TICRR: variants seen among roughly 807,000 people sequenced by gnomAD.
TICRR encodes TOPBP1 interacting checkpoint and replication regulator.
In TICRR, 132 loss-of-function variants were observed where a neutral mutation model predicts 178.1. The ratio of observed to expected loss-of-function variants is 0.74; its 90% CI spans 0.64 to 0.86. The LOEUF (loss-of-function observed/expected upper bound fraction) is 0.86, where lower values mean the gene tolerates loss of function less well. Ranked by LOEUF, TICRR falls within the 40% of genes least tolerant of loss-of-function variation. The pLI, the probability that TICRR is intolerant of heterozygous loss-of-function variation, is 0.00. For synonymous variants in TICRR, 991 were observed against 900.7 expected, an observed-to-expected ratio of 1.10 and a Z score of -1.79; for missense variants, 2,587 against 2,334.3, an observed-to-expected ratio of 1.11 and a Z score of -2.23.
chr15:89,626,412 C>T (rs571908710), intron 21 of TICRR, among the ~76,000 whole-genome samples: 3 of 152,308 alleles, frequency 2.0e-5, no homozygotes, highest in South Asian at 2.1e-4. Context: ...TTCCCCACAG[C>T]GGGTTTATCC....
rs188492124 is a variant in TICRR at position 89,586,350 on chromosome 15, A to T, written c.1411+408A>T. On this transcript the variant is annotated intron_variant, in intron 4 of 21. Transcript: ENST00000268138. ...ATGTAAGCTAGGTAGATTTAAATAT[A>T]CGTATACATATATATATATATAAAA... Among the ~76,000 whole-genome samples, 48 of 150,478 alleles carry T rather than the reference A, an allele frequency of 3.2e-4. 1 individual carries two copies. Among genetic ancestry groups the T allele is most frequent in the Non-Finnish European group, 5.3e-4 (36 of 67,652 alleles).
Position 89,625,138 on chromosome 15 carries a change from G to A in TICRR, c.4828G>A (p.Ala1610Thr), listed in dbSNP as rs1441879016. 1 of 1,613,758 alleles carries A rather than the reference G, an allele frequency of 6.2e-7. No homozygotes were observed. The highest frequency in any genetic ancestry group is 8.5e-7 in the Non-Finnish European group (1 of 1,180,006). Reference protein sequence around the residue: ...SFLPALSMPRASRSLSKPEPT... With the variant: ...SFLPALSMPRTSRSLSKPEPT... ...CCTCCCTGCTCTCAGCATGCCCAGG[G>A]CCAGCAGGTCCTTAAGCAAACCTGA... The change falls in exon 20 of 22, where the codon GCC (alanine) becomes ACC (threonine). Residue 1610 changes from alanine (A) to threonine (T), a missense_variant. Coordinates refer to ENST00000268138, the MANE Select transcript of TICRR (RefSeq NM_152259.4).
rs547260243 is a variant in TICRR, at chr15:89,611,052, TA to T, written c.2869+2113del. 8.1e-3 allele frequency among the ~76,000 whole-genome samples: 1,215 copies of T among 149,242 alleles called. 17 individuals carry two copies. The highest frequency in any genetic ancestry group is 0.028 in the African/African-American group (1,141 of 40,854). ...ATACAGACTTAAATTATATAGGGTT[TA>T]AAAAAAAAACAAAATTACCATAATG... On this transcript the variant is annotated intron_variant, in intron 15 of 21. Transcript: ENST00000268138.
At position 89,625,254 on chromosome 15, in the gene TICRR, C is replaced by A. The variant is rs1393659992; in HGVS notation, c.4944C>A (p.Thr1648=). The A allele has an allele frequency of 6.2e-6, 10 of 1,612,956 alleles. No individual in the cohort carries two copies. The highest frequency in any genetic ancestry group is 8.5e-6 in the Non-Finnish European group (10 of 1,179,174). ...RGQTYICQAC[T]PTHGPSSTPS... Reference sequence around the variant, plus strand: ...AAACCTACATCTGCCAGGCCTGTACCCCCACCCACGGCCCTTCTAGTACCC... The same window carrying A: ...AAACCTACATCTGCCAGGCCTGTACACCCACCCACGGCCCTTCTAGTACCC... Residue 1648 remains threonine (T), a synonymous_variant, in exon 20 of 22, where the codon ACC becomes ACA. Transcript: ENST00000268138.
At chr15:89,597,019 C>A (rs1369852701) in intron 7 of TICRR, among the ~76,000 whole-genome samples, 1 of 152,042 alleles carries the variant, frequency 6.6e-6, no homozygotes, top group Non-Finnish European at 1.5e-5. Flanking sequence ...AAGATTGATT[C>A]TTTAATATTT....
At position 89,618,132 on chromosome 15, in the gene TICRR, TG is replaced by T; in HGVS notation, c.2961-19del. On this transcript the variant is annotated intron_variant, in intron 16 of 21. Transcript: ENST00000268138. ...ATTACAAGTGGTATGGAGTAATCCT[TG>T]TGCATGTGGTTCCTCGAGGTCCTCT... The T allele has an allele frequency of 6.2e-7, 1 of 1,613,492 alleles. No individual in the cohort carries two copies. The highest frequency in any genetic ancestry group is 8.5e-7 in the Non-Finnish European group (1 of 1,179,420).
chr15:89,619,251 A>T (rs1370931741), intron 17 of TICRR, among the ~76,000 whole-genome samples: 11 of 127,022 alleles, frequency 8.7e-5, no homozygotes, highest in Non-Finnish European at 1.6e-4. Context: ...GGTGAGACAG[A>T]CTCTTGCTCT....
chr15:89,617,209 CCTT>C (rs1567050219), intron 16 of TICRR, among the ~76,000 whole-genome samples: 1 of 152,132 alleles, frequency 6.6e-6, no homozygotes, highest in African/African-American at 2.4e-5. Flanking sequence ...AAGCACACCT[CCTT>C]CTATTTTGTC....
chr15:89,599,298 T>G, intron 7 of TICRR, 26 bp from the exon 8 acceptor site: 1 of 1,572,538 alleles, frequency 6.4e-7, no homozygotes, highest in South Asian at 1.2e-5. Flanking sequence ...ATATGATTAA[T>G]CCATTTTATT....
intron 19 of TICRR, 112 bp downstream of exon 19, chr15:89,621,662 C>T: frequency 2.3e-6 from 2 of 865,356 alleles, no homozygotes. Flanking sequence ...CTAGATAATA[C>T]TAGAGATTGG....
rs368284458 is a variant in TICRR at position 89,601,464 on chromosome 15, A to G, written c.2248-25A>G. 44 of 1,613,590 alleles carry G rather than the reference A, an allele frequency of 2.7e-5. No homozygotes were observed. The African/African-American group carries it at 5.2e-4, about 19-fold the overall frequency. The stretch of plus-strand genomic sequence containing the variant: ...GCTTCCCTGCAGAGGGCATCTATAT[A>G]GTAACGTTCTAAAATCTCCTTCAGG... On this transcript the variant is annotated intron_variant, in intron 10 of 21. Transcript: ENST00000268138.
At chr15:89,581,369 C>A (rs1962722295) in intron 1 of TICRR, among the ~76,000 whole-genome samples, 1 of 152,158 alleles carries the variant, frequency 6.6e-6, no homozygotes, top group Non-Finnish European at 1.5e-5. Context: ...TTCACACCCC[C>A]CGCCCCACTT....
Position 89,575,893 on chromosome 15 carries a change from G to A in TICRR, c.307G>A (p.Ala103Thr). Reference protein sequence around the residue: ...PAPRATHTHGALMETLLDYQW... With the variant: ...PAPRATHTHGTLMETLLDYQW... ...GCCCAGGGCCACCCACACGCACGGCGCCCTGATGGAGACGCTGCTAGACTA... is the reference window on the plus strand; with the variant it reads ...GCCCAGGGCCACCCACACGCACGGCACCCTGATGGAGACGCTGCTAGACTA... Residue 103 changes from alanine (A) to threonine (T), a missense_variant, in exon 1 of 22, where the codon GCC (alanine) becomes ACC (threonine). Transcript: ENST00000268138. The A allele has an allele frequency of 6.3e-7, 1 of 1,588,250 alleles. No homozygotes were observed. Among genetic ancestry groups the A allele is most frequent in the Non-Finnish European group, 8.5e-7 (1 of 1,169,620 alleles).
In TICRR at chr15:89,575,994, G is replaced by C; in HGVS notation, c.408G>C (p.Val136=). ...LRSSGRRLLD[V]ESEAKEAEAA... is the part of the protein sequence containing the mutation. ...GCAGCGGGAGGAGACTGCTGGACGT[G>C]GAGAGCGAGGCCAAGGAGGCCGAGG... is the stretch of plus-strand genomic sequence containing the variant. The change falls in exon 1 of 22, where the codon GTG becomes GTC. Residue 136 remains valine, a synonymous_variant. Transcript: ENST00000268138. 4.4e-6 allele frequency: 7 copies of C among 1,607,210 alleles called. No homozygotes were observed. Among genetic ancestry groups the C allele is most frequent in the Non-Finnish European group, 5.1e-6 (6 of 1,177,932 alleles).
chr15:89,589,611 A>G (rs898638998), intron 4 of TICRR, among the ~76,000 whole-genome samples: 1 of 152,200 alleles, frequency 6.6e-6, no homozygotes, highest in African/African-American at 2.4e-5. Flanking sequence ...ACTTGAGAAG[A>G]AATCATGTCA....
intron 14 of TICRR, among the ~76,000 whole-genome samples, chr15:89,607,251 G>C (rs1237380125): frequency 2.0e-5 from 3 of 152,132 alleles, no homozygotes; most frequent in Non-Finnish European, 4.4e-5. Context: ...AGATAATATT[G>C]TATCAATGCT....
chr15:89,599,751 A>T (rs538021768), intron 8 of TICRR, among the ~76,000 whole-genome samples: 5 of 152,336 alleles, frequency 3.3e-5, no homozygotes, highest in African/African-American at 1.2e-4. Flanking sequence ...TGTTAGCTGC[A>T]TGATTAAGCC....
Position 89,625,643 on chromosome 15 carries a change from TG to T in TICRR, c.5335del (p.Ala1779ProfsTer15), listed in dbSNP as rs1371455585. On this transcript the variant is annotated frameshift_variant, in exon 20 of 22. Coordinates refer to ENST00000268138, the MANE Select transcript of TICRR (RefSeq NM_152259.4). LOFTEE classifies it high-confidence loss of function. ...FGLSSRKRVL[L>X]AKEEADRGAK... ...TTGAGTTCCAGGAAGAGAGTCCTGT[TG>T]GCCAAGGAAGAAGCTGACCGTGGAG... 1 of 1,613,556 alleles carries T rather than the reference TG, an allele frequency of 6.2e-7. No individual in the cohort carries two copies. Among genetic ancestry groups the T allele is most frequent in the Non-Finnish European group, 8.5e-7 (1 of 1,180,004 alleles).
chr15:89,591,740 A>C (rs1962916408), intron 4 of TICRR: 1 of 175,800 alleles, frequency 5.7e-6, no homozygotes, highest in Non-Finnish European at 1.2e-5. Context: ...CAAAAAAATA[A>C]ATAAATAAAA....
Sources: allele counts gnomAD v4.1 joint callset (sites outside exome capture counted in the v4.1 genomes callset), GRCh38; gene constraint gnomAD v4.1.1; transcripts MANE v1.5; gene names NCBI Gene and HGNC (gene_info 2026-07-23, HGNC 2026-07-21).